The following ARHGEF3 variants were observed in gnomAD, a reference collection of about 807,000 sequenced individuals.
ARHGEF3 encodes 59.8 kDA protein.
ARHGEF3 carries 28 observed loss-of-function variants against 63.2 expected under a neutral mutation model. That is an observed-to-expected ratio of 0.44 (90% CI 0.33 to 0.61). The LOEUF is 0.61. Among genes scored for constraint, ARHGEF3 ranks in the 20% least tolerant of loss-of-function variants. The pLI, the probability that ARHGEF3 is intolerant of heterozygous loss-of-function variation, is 0.03. For synonymous variants in ARHGEF3, 266 were observed against 254.2 expected (o/e 1.05, Z -0.44); for missense variants, 533 against 659.3 (o/e 0.81, Z 2.10).
At chr3:56,752,378 TA>T (rs1315115777) in intron 4 of ARHGEF3, among the ~76,000 whole-genome samples, 2 of 152,078 alleles carry the variant, frequency 1.3e-5, no homozygotes, top group African/African-American at 4.8e-5. Flanking sequence ...AATTAAAGAT[TA>T]AAAACCAGAC....
At chr3:56,996,890 A>ATTATTATTAT (rs1553801009) in intron 2 of ARHGEF3, among the ~76,000 whole-genome samples, 1 of 136,510 alleles carries the variant, frequency 7.3e-6, no homozygotes, top group African/African-American at 2.7e-5. Context: ...TATTATTATT[A>ATTATTATTAT]TTTTTTTTTT....
chr3:56,891,644 T>C (rs1259634443), intron 3 of ARHGEF3, among the ~76,000 whole-genome samples: 1 of 152,172 alleles, frequency 6.6e-6, no homozygotes, highest in Non-Finnish European at 1.5e-5. Flanking sequence ...ATTTTACCTC[T>C]CTGCACCTTA....
intron 2 of ARHGEF3, among the ~76,000 whole-genome samples, chr3:56,765,918 C>T (rs747307478): frequency 1.3e-5 from 2 of 151,560 alleles, no homozygotes; most frequent in African/African-American, 2.4e-5. Context: ...GTAATTCTTA[C>T]ATACTGGGGA....
intron 3 of ARHGEF3, among the ~76,000 whole-genome samples, chr3:56,899,931 C>T (rs2041449097): frequency 6.6e-6 from 1 of 152,206 alleles, no homozygotes; most frequent in African/African-American, 2.4e-5. Flanking sequence ...CTAACTTTAG[C>T]CACAGGAAAT....
intron 2 of ARHGEF3, among the ~76,000 whole-genome samples, chr3:57,014,438 G>A (rs1702881767): frequency 1.3e-5 from 2 of 152,110 alleles, no homozygotes; most frequent in South Asian, 4.1e-4. Context: ...TATTCCAGAA[G>A]AAAGCAGGAA....
intron 2 of ARHGEF3, among the ~76,000 whole-genome samples, chr3:56,968,204 A>ATAT (rs1491351857): frequency 5.0e-5 from 1 of 20,048 alleles, no homozygotes; most frequent in African/African-American, 1.1e-4. Context: ...TATAATATAT[A>ATAT]AAAATATATA....
At chr3:56,816,890 T>C (rs1273127674) in intron 4 of ARHGEF3, among the ~76,000 whole-genome samples, 1 of 152,142 alleles carries the variant, frequency 6.6e-6, no homozygotes, top group Non-Finnish European at 1.5e-5. Flanking sequence ...GGTCAAGGAT[T>C]TGAGCCTATA....
intron 3 of ARHGEF3, among the ~76,000 whole-genome samples, chr3:56,941,564 A>G (rs1441069202): frequency 1.3e-5 from 2 of 152,214 alleles, no homozygotes; most frequent in African/African-American, 4.8e-5. Flanking sequence ...AACTTTTAAT[A>G]TAAGCCTCCT....
At position 56,856,211 on chromosome 3, in the gene ARHGEF3, G is replaced by C. The variant is rs549220422; in HGVS notation, c.192+26081C>G. On this transcript the variant is annotated intron_variant, in intron 4 of 12. Coordinates refer to the ARHGEF3 transcript ENST00000338458. ...AAGCCACATAAAATACACGTAACTC[G>C]GGGATAAAAAGGAAGCGGAGGGATA... Among the ~76,000 whole-genome samples, 74 of 152,204 alleles carry C rather than the reference G, an allele frequency of 4.9e-4. 2 individuals are homozygous for C. In the South Asian group the frequency reaches 0.015, roughly 31 times the overall value.
chr3:56,769,928 TACAC>T (rs1024805093), intron 2 of ARHGEF3, among the ~76,000 whole-genome samples: 2 of 152,148 alleles, frequency 1.3e-5, no homozygotes, highest in African/African-American at 4.8e-5. Context: ...GCATAAATAA[TACAC>T]ACATATGGGT....
At chr3:56,740,415 A>G (rs1221096285) in intron 7 of ARHGEF3, among the ~76,000 whole-genome samples, 1 of 152,186 alleles carries the variant, frequency 6.6e-6, no homozygotes, top group Admixed American at 6.5e-5. Flanking sequence ...AAATAGCAGA[A>G]CACTTTGGTA....
intron 4 of ARHGEF3, among the ~76,000 whole-genome samples, chr3:56,816,505 G>C: frequency 6.6e-6 from 1 of 152,156 alleles, no homozygotes; most frequent in East Asian, 1.9e-4. Flanking sequence ...CGCTCCAAAA[G>C]AATCATGAAT....
At chr3:56,777,790 G>A (rs1466791624) in intron 1 of ARHGEF3, among the ~76,000 whole-genome samples, 1 of 152,102 alleles carries the variant, frequency 6.6e-6, no homozygotes, top group African/African-American at 2.4e-5. Flanking sequence ...CACCACCCAG[G>A]AGAGGCTGGA....
At chr3:56,745,039 A>G (rs1002740515) in intron 7 of ARHGEF3, among the ~76,000 whole-genome samples, 166 bp downstream of exon 7, 1 of 152,128 alleles carries the variant, frequency 6.6e-6, no homozygotes, top group Admixed American at 6.5e-5. Context: ...GAAAGATGAG[A>G]AGTGACTTGC....
intron 2 of ARHGEF3, among the ~76,000 whole-genome samples, chr3:56,770,721 C>T (rs1021647517): frequency 5.9e-5 from 9 of 152,268 alleles, no homozygotes; most frequent in East Asian, 3.9e-4. Flanking sequence ...ATAAGCACAT[C>T]GCTCAATTCT....
intron 1 of ARHGEF3, among the ~76,000 whole-genome samples, chr3:57,047,887 G>A (rs1023970711): frequency 7.2e-5 from 11 of 151,990 alleles, no homozygotes; most frequent in African/African-American, 2.7e-4. Flanking sequence ...GAAGAAGTGG[G>A]GGAAAGATAC....
intron 4 of ARHGEF3, among the ~76,000 whole-genome samples, chr3:56,822,183 G>A (rs147466564): frequency 1.3e-5 from 2 of 152,222 alleles, no homozygotes; most frequent in African/African-American, 2.4e-5. Context: ...CTTTATATAC[G>A]TTATTCTCCT....
upstream of ARHGEF3, among the ~76,000 whole-genome samples, chr3:56,804,116 C>A (rs7628792): frequency 0.43 from 64,640 of 151,900 alleles, 16,869 homozygotes; most frequent in Non-Finnish European, 0.56. Flanking sequence ...AACCCCTGAG[C>A]TCAAGCAATC....
intron 4 of ARHGEF3, among the ~76,000 whole-genome samples, chr3:56,857,074 AT>A (rs752364169): frequency 1.8e-4 from 27 of 151,656 alleles, no homozygotes; most frequent in Admixed American, 1.2e-3. Context: ...ATTTTTTAAA[AT>A]TTTTTTCTAG....
Sources: gnomAD v4.1 joint callset for allele counts (sites outside exome capture counted in the v4.1 genomes callset) on GRCh38, gnomAD v4.1.1 for gene constraint, MANE v1.5 for transcripts, NCBI Gene and HGNC (gene_info 2026-07-23, HGNC 2026-07-21) for gene names.